ZNF746: variants seen among roughly 807,000 people sequenced by gnomAD.
ZNF746 encodes parkin-interacting substrate.
A neutral mutation model predicts 41.0 loss-of-function variants in ZNF746; 13 were observed. The observed-to-expected ratio is 0.32, with a 90% CI of 0.21 to 0.50. ZNF746 has a LOEUF of 0.50. Ranked by LOEUF, ZNF746 falls within the 20% of genes least tolerant of loss-of-function variation. ZNF746 has a pLI of 0.98. For synonymous variants in ZNF746, 424 were observed against 396.2 expected (o/e 1.07, Z -0.83); for missense variants, 811 against 922.9 (o/e 0.88, Z 1.57).
At position 149,475,080 on chromosome 7, in the gene ZNF746, G is replaced by C; in HGVS notation, c.1287C>G (p.Asp429Glu). ...SSPDNGEAIL[D>E]PSQAPRPFNE... ...TGAATGGCCTTGGGGCCTGGCTGGG[G>C]TCCAAGATGGCCTCTCCGTTGTCCG... Residue 429 changes from aspartate to glutamate, a missense_variant, in exon 7 of 7, where the codon GAC (aspartate) becomes GAG (glutamate). Coordinates refer to ENST00000458143, the MANE Select transcript of ZNF746 (RefSeq NM_001394198.1). 6.3e-7 allele frequency: 1 copy of C among 1,599,018 alleles called. No individual in the cohort carries two copies. The highest frequency in any genetic ancestry group is 8.5e-7 in the Non-Finnish European group (1 of 1,173,604).
rs1417354706 is a variant in ZNF746 at position 149,477,481 on chromosome 7, TC to T, written c.757+82del. ...GCCGGAAGTGTTGAGGGCCCACAGC[TC>T]CCCCATGCTGCCACGAGCCCTCCCC... On this transcript the variant is annotated intron_variant, in intron 5 of 6. Coordinates refer to ENST00000458143, the MANE Select transcript of ZNF746 (RefSeq NM_001394198.1). 52 of 1,449,772 alleles carry T rather than the reference TC, an allele frequency of 3.6e-5. No individual in the cohort carries two copies. The Middle Eastern group carries it at 7.3e-4, about 20-fold the overall frequency. The allele number at this position is 1,449,772 out of a possible 1,614,324, so 89.8% of individuals were successfully genotyped here.
intron 4 of ZNF746, among the ~76,000 whole-genome samples, chr7:149,480,869 A>G (rs2116651285): frequency 6.6e-6 from 1 of 152,354 alleles, no homozygotes; most frequent in East Asian, 1.9e-4. Context: ...TAAAAATATA[A>G]AGAGGGGTTC....
chr7:149,489,199 A>G (rs1009051820), intron 4 of ZNF746: 2 of 151,720 alleles, frequency 1.3e-5, no homozygotes, highest in African/African-American at 4.8e-5. Flanking sequence ...GGAGACCTAA[A>G]AAGGAATTTA....
Position 149,497,117 on chromosome 7 carries a change from C to T in ZNF746, c.24+396G>A, listed in dbSNP as rs1483875432. On this transcript the variant is annotated intron_variant, in intron 1 of 6. Coordinates refer to ENST00000458143, the MANE Select transcript of ZNF746 (RefSeq NM_001394198.1). The surrounding 1 kb of genome is among the most constrained non-coding windows in gnomAD (Gnocchi z 4.2). ...ATGCGGATTCGAAGCCGGACACCTC[C>T]CAGGTGCCACCAGGCCGCTGCGGGG... The T allele has an allele frequency of 1.0e-6, 1 of 985,336 alleles. No individual in the cohort carries two copies. Among genetic ancestry groups the T allele is most frequent in the Non-Finnish European group, 1.2e-6 (1 of 829,916 alleles). 61.0% of individuals were successfully genotyped at this position (985,336 alleles called of 1,614,324 possible). A position where few individuals can be genotyped will look rare whatever the true frequency, so the allele number is the denominator to read the frequency against.
rs1800495953 is a variant in ZNF746 at position 149,481,940 on chromosome 7, A to G, written c.566-4185T>C. Among the ~76,000 whole-genome samples, 3 of 152,242 alleles carry G rather than the reference A, an allele frequency of 2.0e-5. No homozygotes were observed. The East Asian group carries it at 5.8e-4, about 29-fold the overall frequency. ...AAAAAAGAATGTGAACCACATATCT[A>G]ATTTTAAGTACTCTGGTAGTCATGT... On this transcript the variant is annotated intron_variant, in intron 4 of 6. Transcript: ENST00000458143.
chr7:149,486,478 A>AT (rs1365423475), intron 4 of ZNF746, among the ~76,000 whole-genome samples: 2 of 152,210 alleles, frequency 1.3e-5, no homozygotes, highest in Non-Finnish European at 2.9e-5. Context: ...GAATAAATAC[A>AT]TTGTATTATG....
intron 4 of ZNF746, among the ~76,000 whole-genome samples, chr7:149,482,757 A>G (rs73166034): frequency 4.1e-4 from 63 of 152,284 alleles, no homozygotes; most frequent in Non-Finnish European, 8.1e-4. Context: ...GAGCCACTAC[A>G]CCCAGCCAAT....
chr7:149,493,666 G>C (rs1442910112), intron 3 of ZNF746, among the ~76,000 whole-genome samples: 1 of 152,200 alleles, frequency 6.6e-6, no homozygotes, highest in Non-Finnish European at 1.5e-5. Flanking sequence ...TCTCAAATGT[G>C]AGTCAATTAC....
In ZNF746 at chr7:149,497,691, C is replaced by T. The variant is rs184577140; in HGVS notation, c.-155G>A. The T allele has an allele frequency of 0.013, 5,655 of 448,800 alleles. 320 individuals are homozygous for T. Among genetic ancestry groups the T allele is most frequent in the African/African-American group, 0.11 (5,179 of 46,640 alleles). 27.8% of individuals were successfully genotyped at this position (448,800 alleles called of 1,614,324 possible). A position where few individuals can be genotyped will look rare whatever the true frequency, so the allele number is the denominator to read the frequency against. On this transcript the variant is annotated 5_prime_UTR_variant, in exon 1 of 7. Coordinates refer to ENST00000458143, the MANE Select transcript of ZNF746 (RefSeq NM_001394198.1). This position sits in a 1 kb window ranked among gnomAD's most constrained non-coding sequence, Gnocchi z 4.2. Reference sequence around the variant, plus strand: ...CTCGCTGGCTGCCCCTGCGCCGCGCCGCCCGCAGTCGCGCCGCCTCCGTCA... The same window carrying T: ...CTCGCTGGCTGCCCCTGCGCCGCGCTGCCCGCAGTCGCGCCGCCTCCGTCA...
At chr7:149,477,480 C>G in intron 5 of ZNF746, 84 bp downstream of exon 5, 2 of 1,451,688 alleles carry the variant, frequency 1.4e-6, no homozygotes, top group Non-Finnish European at 1.9e-6. Context: ...GGGCCCACAG[C>G]TCCCCCATGC....
intron 4 of ZNF746, among the ~76,000 whole-genome samples, chr7:149,478,245 AC>A (rs1308343918): frequency 1.3e-5 from 2 of 152,174 alleles, no homozygotes; most frequent in African/African-American, 4.8e-5. Flanking sequence ...GGAGTAGGAT[AC>A]AGGCCTTAGG....
Position 149,492,869 on chromosome 7 carries a change from G to T in ZNF746, c.555C>A (p.Asp185Glu). ...PGPKIPDVPV[D>E]PSPGSGPPVP... is the part of the protein sequence containing the mutation. ...TCTCCCAGCCCTTACCTGGACTGGG[G>T]TCCACAGGAACATCTGGAATCTTGG... Residue 185 changes from aspartate (D) to glutamate (E), a missense_variant, in exon 4 of 7, where the codon GAC (aspartate) becomes GAA (glutamate). Physicochemically the swap from Asp to Glu is conservative, Grantham distance 45 (BLOSUM62 2). This residue lies in a region of ZNF746 where 495 missense variants were observed against 481.6 expected (regional missense o/e 1.03). Coordinates refer to ENST00000458143, the MANE Select transcript of ZNF746 (RefSeq NM_001394198.1). The T allele has an allele frequency of 6.2e-7, 1 of 1,613,432 alleles. No homozygotes were observed. Among genetic ancestry groups the T allele is most frequent in the Non-Finnish European group, 8.5e-7 (1 of 1,179,564 alleles).
At chr7:149,486,411 C>CAAAAAAAAAA in intron 4 of ZNF746, among the ~76,000 whole-genome samples, 1 of 136,734 alleles carries the variant, frequency 7.3e-6, no homozygotes. Flanking sequence ...TTCACACCAG[C>CAAAAAAAAAA]AAAAAAAAAA....
intron 6 of ZNF746, 71 bp downstream of exon 6, chr7:149,476,851 T>C: frequency 1.2e-6 from 2 of 1,606,784 alleles, no homozygotes; most frequent in Non-Finnish European, 1.7e-6. Context: ...CCAGTGAAAA[T>C]GGGATGCCTG....
rs1452958855 is a variant in ZNF746, at chr7:149,494,820, T to C, written c.25-317A>G. Among the ~76,000 whole-genome samples the C allele has an allele frequency of 6.6e-6, 1 of 152,022 alleles. No individual in the cohort carries two copies. The highest frequency in any genetic ancestry group is 1.5e-5 in the Non-Finnish European group (1 of 68,006). ...CTGAACATGGTATTGCATCTTTTCATACCACTGTCCTTGACACATGGCAGG... is the reference window on the plus strand; with the variant it reads ...CTGAACATGGTATTGCATCTTTTCACACCACTGTCCTTGACACATGGCAGG... On this transcript the variant is annotated intron_variant, in intron 1 of 6. Transcript: ENST00000458143. This position sits in a 1 kb window ranked among gnomAD's most constrained non-coding sequence, Gnocchi z 5.6.
intron 4 of ZNF746, among the ~76,000 whole-genome samples, chr7:149,478,943 G>C (rs1193771916): frequency 6.6e-6 from 1 of 152,222 alleles, no homozygotes; most frequent in Non-Finnish European, 1.5e-5. Context: ...GAATATTAGT[G>C]ACTTGGGAGA....
chr7:149,493,369 G>T (rs1256885892), intron 3 of ZNF746, among the ~76,000 whole-genome samples: 1 of 152,222 alleles, frequency 6.6e-6, no homozygotes, highest in African/African-American at 2.4e-5. Flanking sequence ...GTCTGCACCT[G>T]CTCCTGCCCT....
chr7:149,477,573 C>A lies in ZNF746; in HGVS notation c.748G>T (p.Ala250Ser), dbSNP rs779841191. ...DSGAGDISTD[A>S]TSGVHSNFST... Reference sequence around the variant, plus strand: ...CGTCTCAGCCACTTACCAGAGGTGGCATCCGTGGAGATGTCTCCTGCTCCG... The same window carrying A: ...CGTCTCAGCCACTTACCAGAGGTGGAATCCGTGGAGATGTCTCCTGCTCCG... Residue 250 changes from alanine (A) to serine (S), a missense_variant, in exon 5 of 7, where the codon GCC (alanine) becomes TCC (serine). Ala to Ser is a moderately conservative substitution (Grantham distance 99, BLOSUM62 1). Coordinates refer to ENST00000458143, the MANE Select transcript of ZNF746 (RefSeq NM_001394198.1). 6.2e-7 allele frequency: 1 copy of A among 1,605,932 alleles called. No individual in the cohort carries two copies.
At chr7:149,489,274 C>CA (rs59393781) in intron 4 of ZNF746, 3 of 147,524 alleles carry the variant, frequency 2.0e-5, no homozygotes, top group Non-Finnish European at 4.5e-5. Context: ...CACACACACA[C>CA]GTTTTAAATT....
Sources: gnomAD v4.1 joint callset for allele counts (sites outside exome capture counted in the v4.1 genomes callset) on GRCh38, gnomAD v4.1.1 for gene constraint, gnomAD v4.1.1 regional missense constraint, Gnocchi (gnomAD v3.1) non-coding constraint, MANE v1.5 for transcripts, NCBI Gene and HGNC (gene_info 2026-07-23, HGNC 2026-07-21) for gene names.